ZDHHC18: variants seen among roughly 807,000 people sequenced by gnomAD.
ZDHHC18 encodes palmitoyltransferase ZDHHC18.
In ZDHHC18, 23 loss-of-function variants were observed where a neutral mutation model predicts 37.5. The ratio of observed to expected loss-of-function variants is 0.61; its 90% confidence interval spans 0.44 to 0.87. ZDHHC18 has a LOEUF of 0.87. ZDHHC18 is among the 40% of genes least tolerant of loss of function. The pLI is 0.00. For missense variants in ZDHHC18, 406 were observed against 525.6 expected (o/e 0.77, Z 2.22); for synonymous variants, 185 against 218.7 (o/e 0.85, Z 1.36).
intron 1 of ZDHHC18, among the ~76,000 whole-genome samples, chr1:26,831,281 T>G (rs1181985343): frequency 6.6e-6 from 1 of 151,056 alleles, no homozygotes; most frequent in African/African-American, 2.4e-5. Flanking sequence ...AGAGCCAGGC[T>G]TGTTATAGGA....
chr1:26,841,314 T>G (rs967416220), intron 2 of ZDHHC18, among the ~76,000 whole-genome samples: 5 of 152,144 alleles, frequency 3.3e-5, no homozygotes, highest in Non-Finnish European at 7.4e-5. Flanking sequence ...ATTATTTTTA[T>G]AGAGATGGGG....
Position 26,855,908 on chromosome 1 carries a change from T to C in ZDHHC18, c.*2065T>C. Reference sequence around the variant, plus strand: ...CCGCTGGAGGAAGAGCAGAGAGGGCTGCGGCTGAGCCCCCATGGGCACGTG... The same window carrying C: ...CCGCTGGAGGAAGAGCAGAGAGGGCCGCGGCTGAGCCCCCATGGGCACGTG... On this transcript the variant is annotated 3_prime_UTR_variant, in exon 8 of 8. Coordinates refer to ENST00000374142, the MANE Select transcript of ZDHHC18 (RefSeq NM_032283.3). 4.2e-6 allele frequency: 1 copy of C among 236,418 alleles called. No homozygotes were observed. The highest frequency in any genetic ancestry group is 4.3e-5 in the South Asian group (1 of 23,404). The allele number at this position is 236,418 out of a possible 1,614,324, so 14.6% of individuals were successfully genotyped here.
Position 26,826,910 on chromosome 1 carries a change from G to C in ZDHHC18, c.106G>C (p.Gly36Arg). 1 of 991,050 alleles carries C rather than the reference G, an allele frequency of 1.0e-6. No individual in the cohort carries two copies. Among genetic ancestry groups the C allele is most frequent in the Non-Finnish European group, 1.2e-6 (1 of 835,646 alleles). 61.4% of individuals were successfully genotyped at this position (991,050 alleles called of 1,614,324 possible). The change falls in exon 1 of 8, where the codon GGG becomes CGG. Residue 36 changes from glycine to arginine, a missense_variant. By Grantham distance (125) the Gly-to-Arg change is moderately radical (BLOSUM62 -2). Transcript: ENST00000374142. The surrounding 1 kb of genome is among the most constrained non-coding windows in gnomAD (Gnocchi z 5.2). Reference sequence around the variant, plus strand: ...CGCCGCGTCCCCGACTCCGGGCCCCGGGCCCGCGCCGCCCGCCGCCCCCGC... The same window carrying C: ...CGCCGCGTCCCCGACTCCGGGCCCCCGGCCCGCGCCGCCCGCCGCCCCCGC... Reference protein sequence around the residue: ...GPAASPTPGPGPAPPAAPAPP... With the variant: ...GPAASPTPGPRPAPPAAPAPP...
In ZDHHC18 at chr1:26,855,944, A is replaced by G. The variant is rs995476318; in HGVS notation, c.*2101A>G. The stretch of plus-strand genomic sequence containing the variant: ...CCCCATGGGCACGTGAAAAGAGGCC[A>G]TCCTGTCCCCTCTTTGTCCCCTCCA... On this transcript the variant is annotated 3_prime_UTR_variant, in exon 8 of 8. Transcript: ENST00000374142. 1 of 287,072 alleles carries G rather than the reference A, an allele frequency of 3.5e-6. No homozygotes were observed. The highest frequency in any genetic ancestry group is 2.2e-5 in the African/African-American group (1 of 45,760). 17.8% of individuals were successfully genotyped at this position (287,072 alleles called of 1,614,324 possible). A position where few individuals can be genotyped will look rare whatever the true frequency, so the allele number is the denominator to read the frequency against.
At position 26,853,957 on chromosome 1, in the gene ZDHHC18, A is replaced by T; in HGVS notation, c.*114A>T. ...AACTGCCAAAGACTCAAGTCTTTTCATATTTATTTCCCATCCTGCGTGGCT... is the reference window on the plus strand; with the variant it reads ...AACTGCCAAAGACTCAAGTCTTTTCTTATTTATTTCCCATCCTGCGTGGCT... On this transcript the variant is annotated 3_prime_UTR_variant, in exon 8 of 8. Coordinates refer to ENST00000374142, the MANE Select transcript of ZDHHC18 (RefSeq NM_032283.3). The T allele has an allele frequency of 2.1e-6, 2 of 954,162 alleles. No homozygotes were observed. Among genetic ancestry groups the T allele is most frequent in the Non-Finnish European group, 3.2e-6 (2 of 616,958 alleles). The allele number at this position is 954,162 out of a possible 1,614,324, so 59.1% of individuals were successfully genotyped here. A position where few individuals can be genotyped will look rare whatever the true frequency, so the allele number is the denominator to read the frequency against.
At chr1:26,841,143 A>C (rs2081637217) in intron 2 of ZDHHC18, among the ~76,000 whole-genome samples, 1 of 151,850 alleles carries the variant, frequency 6.6e-6, no homozygotes, top group Non-Finnish European at 1.5e-5. Flanking sequence ...CACCTGGCTA[A>C]TTTTTGTATT....
At chr1:26,845,093 T>A (rs942387664) in intron 2 of ZDHHC18, among the ~76,000 whole-genome samples, 15 of 151,860 alleles carry the variant, frequency 9.9e-5, no homozygotes, top group African/African-American at 3.6e-4. Context: ...CCCGGCTAAT[T>A]TTTGTATTTT....
At chr1:26,835,669 C>T (rs766379565) in intron 2 of ZDHHC18, among the ~76,000 whole-genome samples, 1 of 152,166 alleles carries the variant, frequency 6.6e-6, no homozygotes, top group African/African-American at 2.4e-5. Flanking sequence ...CCATTGCACT[C>T]CAGCCTGGTG....
intron 2 of ZDHHC18, among the ~76,000 whole-genome samples, chr1:26,846,072 A>G (rs1340010010): frequency 6.6e-6 from 1 of 151,414 alleles, no homozygotes; most frequent in Non-Finnish European, 1.5e-5. Context: ...AATATGCTAT[A>G]TCTCTGCCTT....
At position 26,826,758 on chromosome 1, in the gene ZDHHC18, G is replaced by A. The variant is rs2081558423; in HGVS notation, c.-47G>A. 1.1e-6 allele frequency: 1 copy of A among 933,234 alleles called. No homozygotes were observed. The highest frequency in any genetic ancestry group is 4.7e-5 in the South Asian group (1 of 21,134). The allele number at this position is 933,234 out of a possible 1,614,324, so 57.8% of individuals were successfully genotyped here. A position where few individuals can be genotyped will look rare whatever the true frequency, so the allele number is the denominator to read the frequency against. On this transcript the variant is annotated 5_prime_UTR_variant, in exon 1 of 8. Transcript: ENST00000374142. The surrounding 1 kb of genome is among the most constrained non-coding windows in gnomAD (Gnocchi z 5.2). ...CGCTGCTCGGCCCGGTCCCGGAGTG[G>A]CCCGGCCGGCCCGCGGGGCGCGGAG...
chr1:26,826,702 C>A lies in ZDHHC18; in HGVS notation c.-103C>A. On this transcript the variant is annotated 5_prime_UTR_variant, in exon 1 of 8. Transcript: ENST00000374142. This position sits in a 1 kb window ranked among gnomAD's most constrained non-coding sequence, Gnocchi z 5.2. ...GGGGCCGCCCCAGTGAGTGAGCGAG[C>A]GAGCGCCGCGCGCGCCGCCGCTGCC... 1 of 456,852 alleles carries A rather than the reference C, an allele frequency of 2.2e-6. No individual in the cohort carries two copies. The highest frequency in any genetic ancestry group is 2.9e-6 in the Non-Finnish European group (1 of 348,898). The allele number at this position is 456,852 out of a possible 1,614,324, so 28.3% of individuals were successfully genotyped here. A position where few individuals can be genotyped will look rare whatever the true frequency, so the allele number is the denominator to read the frequency against.
chr1:26,849,404 G>A (rs1004330052), intron 3 of ZDHHC18, among the ~76,000 whole-genome samples: 1 of 152,202 alleles, frequency 6.6e-6, no homozygotes, highest in African/African-American at 2.4e-5. Flanking sequence ...CACAGTGACT[G>A]TGCATAGTTC....
chr1:26,837,495 T>A (rs1158293642), intron 2 of ZDHHC18, among the ~76,000 whole-genome samples: 1 of 140,070 alleles, frequency 7.1e-6, no homozygotes, highest in African/African-American at 2.6e-5. Context: ...TTATTTATTT[T>A]TTGAGACAGA....
chr1:26,853,185 G>A, intron 7 of ZDHHC18: 1 of 288,042 alleles, frequency 3.5e-6, no homozygotes, highest in Non-Finnish European at 6.6e-6. Context: ...CCACTGCCTG[G>A]ACTGGGTGGC....
chr1:26,847,413 A>C (rs1354728159), intron 2 of ZDHHC18, among the ~76,000 whole-genome samples: 1 of 151,428 alleles, frequency 6.6e-6, no homozygotes, highest in South Asian at 2.1e-4. Context: ...GGGTCTTCCT[A>C]TTTGCCCAGG....
chr1:26,833,326 A>G (rs1026853402), intron 2 of ZDHHC18, among the ~76,000 whole-genome samples: 2 of 152,196 alleles, frequency 1.3e-5, no homozygotes, highest in Non-Finnish European at 1.5e-5. Context: ...AGGAGGTGAC[A>G]TCTGAGCAAA....
chr1:26,855,867 C>T lies in ZDHHC18; in HGVS notation c.*2024C>T. The T allele has an allele frequency of 5.4e-6, 1 of 183,938 alleles. No individual in the cohort carries two copies. The highest frequency in any genetic ancestry group is 1.2e-5 in the Non-Finnish European group (1 of 83,532). The allele number at this position is 183,938 out of a possible 1,614,324, so 11.4% of individuals were successfully genotyped here. A position where few individuals can be genotyped will look rare whatever the true frequency, so the allele number is the denominator to read the frequency against. On this transcript the variant is annotated 3_prime_UTR_variant, in exon 8 of 8. Coordinates refer to ENST00000374142, the MANE Select transcript of ZDHHC18 (RefSeq NM_032283.3). The stretch of plus-strand genomic sequence containing the variant: ...GTGATCTGGCTACATTTTCCCTCAC[C>T]TGGCTGGAGCTCTGTCCGCTGGAGG...
intron 2 of ZDHHC18, among the ~76,000 whole-genome samples, chr1:26,836,307 C>T (rs1409810173): frequency 6.6e-6 from 1 of 152,170 alleles, no homozygotes; most frequent in Admixed American, 6.5e-5. Context: ...TGCCCACTTC[C>T]CCTGGACAGA....
intron 2 of ZDHHC18, among the ~76,000 whole-genome samples, chr1:26,835,207 G>A (rs1029622320): frequency 6.6e-6 from 1 of 152,232 alleles, no homozygotes; most frequent in African/African-American, 2.4e-5. Context: ...GAGCACTTCA[G>A]ATAGTTAGGG....
Sources: allele counts gnomAD v4.1 joint callset (sites outside exome capture counted in the v4.1 genomes callset), GRCh38; gene constraint gnomAD v4.1.1; non-coding constraint Gnocchi (gnomAD v3.1); transcripts MANE v1.5; gene names NCBI Gene and HGNC (gene_info 2026-07-23, HGNC 2026-07-21).